The following GRIK1 variants were observed in gnomAD, a reference collection of about 807,000 sequenced individuals.
GRIK1 encodes glutamate receptor ionotropic, kainate 1.
Under a neutral mutation model 105.7 loss-of-function variants are expected in GRIK1, and 69 were observed. The ratio of observed to expected loss-of-function variants is 0.65; its 90% CI spans 0.54 to 0.80. GRIK1 has a LOEUF of 0.80. Among genes scored for constraint, GRIK1 ranks in the 30% least tolerant of loss-of-function variants. The pLI is 0.00. For synonymous variants in GRIK1, 438 were observed against 431.3 expected (o/e 1.02, Z -0.19); for missense variants, 1,109 against 1,167.3 (o/e 0.95, Z 0.73).
chr21:29,651,365 A>C, intron 5 of GRIK1, 74 bp from the exon 6 acceptor site: 1 of 957,330 alleles, frequency 1.0e-6, no homozygotes, highest in South Asian at 1.9e-5. Flanking sequence ...AATATTAATG[A>C]TTGTAGCACC....
chr21:29,817,003 C>G (rs2067171610), intron 1 of GRIK1, among the ~76,000 whole-genome samples: 1 of 152,076 alleles, frequency 6.6e-6, no homozygotes, highest in Admixed American at 6.6e-5. Context: ...CTGATTTGAT[C>G]ATTACGTATT....
chr21:29,659,987 CCAA>C (rs905778940), intron 4 of GRIK1, among the ~76,000 whole-genome samples: 5 of 151,592 alleles, frequency 3.3e-5, no homozygotes, highest in Non-Finnish European at 5.9e-5. Context: ...CAAAAAAAAC[CCAA>C]CAACAACAAC....
At chr21:29,592,676 G>T (rs2061349591) in intron 9 of GRIK1, among the ~76,000 whole-genome samples, 1 of 152,176 alleles carries the variant, frequency 6.6e-6, no homozygotes, top group Non-Finnish European at 1.5e-5. Context: ...ATAATGAGAA[G>T]ATCAAATAAT....
intron 1 of GRIK1, among the ~76,000 whole-genome samples, chr21:29,904,193 G>T (rs946807577): frequency 6.6e-6 from 1 of 151,902 alleles, no homozygotes; most frequent in Non-Finnish European, 1.5e-5. Flanking sequence ...GATGGGTGCC[G>T]CAAACCACCA....
chr21:29,590,705 T>A (rs1212993614), intron 10 of GRIK1, among the ~76,000 whole-genome samples: 2 of 152,094 alleles, frequency 1.3e-5, no homozygotes, highest in Non-Finnish European at 2.9e-5. Flanking sequence ...TTGTAGAAAG[T>A]CAGAGGTTCT....
intron 1 of GRIK1, among the ~76,000 whole-genome samples, chr21:29,753,313 A>G (rs2065252186): frequency 6.6e-6 from 1 of 152,208 alleles, no homozygotes; most frequent in South Asian, 2.1e-4. Flanking sequence ...CAAATAGGTG[A>G]GAGGTAATTA....
rs368231461 is a variant in GRIK1, at chr21:29,541,114, C to T, written c.2608-3230G>A. On this transcript the variant is annotated intron_variant, in intron 16 of 17. Transcript: ENST00000327783. ...TCCCGAGTAGCTGGGACTACAGGTGCGCGCCACCACACGCGGCTAATTTTT... is the reference window on the plus strand; with the variant it reads ...TCCCGAGTAGCTGGGACTACAGGTGTGCGCCACCACACGCGGCTAATTTTT... Among the ~76,000 whole-genome samples the T allele has an allele frequency of 1.6e-3, 236 of 152,142 alleles. 2 individuals are homozygous for T. Among genetic ancestry groups the T allele is most frequent in the African/African-American group, 5.2e-3 (216 of 41,494 alleles).
At chr21:29,839,268 T>C (rs1454741092) in intron 1 of GRIK1, among the ~76,000 whole-genome samples, 2 of 152,264 alleles carry the variant, frequency 1.3e-5, no homozygotes, top group East Asian at 3.9e-4. Context: ...CAGGCTTGTC[T>C]CAAACTCCTG....
chr21:29,805,523 T>G (rs1052045737), intron 1 of GRIK1, among the ~76,000 whole-genome samples: 3 of 152,182 alleles, frequency 2.0e-5, no homozygotes, highest in African/African-American at 7.2e-5. Context: ...TTTTGAAGAC[T>G]AAGAAGAAAT....
chr21:29,902,652 A>G (rs965904877), intron 1 of GRIK1, among the ~76,000 whole-genome samples: 4 of 152,234 alleles, frequency 2.6e-5, no homozygotes, highest in Admixed American at 6.5e-5. Context: ...GAGGACACAA[A>G]CAAATGGAGA....
Position 29,877,416 on chromosome 21 carries a change from C to T in GRIK1, c.118+61967G>A, listed in dbSNP as rs901768132. 4.0e-5 allele frequency among the ~76,000 whole-genome samples: 6 copies of T among 151,872 alleles called. No individual in the cohort carries two copies. The East Asian group carries it at 5.8e-4, about 15-fold the overall frequency. ...TAACAGGCTTTAGACAAAATAAGAA[C>T]GATTATATTACTATTGTTCACAAAA... On this transcript the variant is annotated intron_variant, in intron 1 of 17. Transcript: ENST00000327783.
At chr21:29,801,479 C>T (rs1356982849) in intron 1 of GRIK1, among the ~76,000 whole-genome samples, 1 of 151,822 alleles carries the variant, frequency 6.6e-6, no homozygotes, top group African/African-American at 2.4e-5. Context: ...GGAAAAAAGC[C>T]CCAAACTTCA....
intron 1 of GRIK1, among the ~76,000 whole-genome samples, chr21:29,822,609 G>C (rs1317884844): frequency 6.6e-6 from 1 of 151,922 alleles, no homozygotes; most frequent in Non-Finnish European, 1.5e-5. Context: ...ACATCTTCTA[G>C]GAATTATCTA....
chr21:29,558,023 G>A (rs1023618769), intron 15 of GRIK1, among the ~76,000 whole-genome samples: 4 of 152,136 alleles, frequency 2.6e-5, no homozygotes, highest in African/African-American at 9.7e-5. Flanking sequence ...GTTGGTCTCT[G>A]AGAAAGATAA....
At chr21:29,572,209 C>T (rs569819750) in intron 14 of GRIK1, among the ~76,000 whole-genome samples, 1 of 152,250 alleles carries the variant, frequency 6.6e-6, no homozygotes, top group South Asian at 2.1e-4. Context: ...AGCTTAAGAA[C>T]CTGAGTGTAC....
At chr21:29,919,714 A>G (rs1244333665) in intron 1 of GRIK1, among the ~76,000 whole-genome samples, 1 of 152,156 alleles carries the variant, frequency 6.6e-6, no homozygotes, top group Non-Finnish European at 1.5e-5. Context: ...CATTATTAAA[A>G]CCATATTTTT....
At chr21:29,666,616 A>C (rs2063064046) in intron 4 of GRIK1, among the ~76,000 whole-genome samples, 1 of 152,142 alleles carries the variant, frequency 6.6e-6, no homozygotes, top group South Asian at 2.1e-4. Context: ...CTCAACAAAT[A>C]AGTATTGAAT....
chr21:29,628,286 C>T (rs942897381), intron 7 of GRIK1, among the ~76,000 whole-genome samples: 2 of 152,106 alleles, frequency 1.3e-5, no homozygotes, highest in African/African-American at 4.8e-5. Context: ...CACACAACTT[C>T]CTAGGATGTC....
intron 1 of GRIK1, among the ~76,000 whole-genome samples, chr21:29,824,989 A>G (rs2067411573): frequency 6.6e-6 from 1 of 152,054 alleles, no homozygotes; most frequent in Admixed American, 6.6e-5. Flanking sequence ...TTTAAAGGCA[A>G]CTAGAAATTA....
Sources: allele counts gnomAD v4.1 joint callset (sites outside exome capture counted in the v4.1 genomes callset), GRCh38; gene constraint gnomAD v4.1.1; transcripts MANE v1.5; gene names NCBI Gene and HGNC (gene_info 2026-07-23, HGNC 2026-07-21).